The following RPH3AL variants were observed in gnomAD, a reference collection of about 807,000 sequenced individuals.
RPH3AL encodes the protein rab effector Noc2.
A neutral mutation model predicts 43.1 loss-of-function variants in RPH3AL; 38 were observed. That is an observed-to-expected ratio of 0.88 (90% CI 0.68 to 1.15). The LOEUF is 1.15. RPH3AL is among the 50% of genes most tolerant of loss of function. The probability of loss-of-function intolerance (pLI) is 0.00; values close to 1 mark genes in which losing one functional copy is unlikely to be tolerated. For missense variants in RPH3AL, 462 were observed against 423.2 expected, an observed-to-expected ratio of 1.09 and a Z score of -0.81; for synonymous variants, 189 against 176.3, an observed-to-expected ratio of 1.07 and a Z score of -0.57.
intron 1 of RPH3AL, among the ~76,000 whole-genome samples, chr17:352,159 G>C (rs931027579): frequency 1.3e-5 from 2 of 152,194 alleles, no homozygotes; most frequent in African/African-American, 4.8e-5. Context: ...CACCAAATGT[G>C]AGTATCCCAG....
chr17:307,234 CACG>C (rs2043516900), intron 5 of RPH3AL, among the ~76,000 whole-genome samples: 4 of 50,692 alleles, frequency 7.9e-5, no homozygotes, highest in Non-Finnish European at 1.7e-4. Context: ...AGGTCCATCC[CACG>C]GCAGGTCCTC....
intron 3 of RPH3AL, 187 bp from the exon 4 acceptor site, chr17:321,602 ACGGCCC>A (rs2044478360): frequency 2.0e-6 from 1 of 495,764 alleles, no homozygotes; most frequent in Non-Finnish European, 3.3e-6. Flanking sequence ...GGCAACAGAG[ACGGCCC>A]AGGTGGCAAC....
At chr17:319,374 G>A (rs756139812) in intron 5 of RPH3AL, 46 bp downstream of exon 5, 19 of 1,598,960 alleles carry the variant, frequency 1.2e-5, no homozygotes, top group Non-Finnish European at 1.3e-5. Context: ...AGCGGGGCTG[G>A]TCCAGGCTGG....
At chr17:241,938 G>A (rs150276301) in intron 7 of RPH3AL, among the ~76,000 whole-genome samples, 1,653 of 152,070 alleles carry the variant, frequency 0.011, 31 homozygotes, top group African/African-American at 0.038. Context: ...CCAATATGGC[G>A]AAACCCCGTC....
At chr17:242,249 T>C (rs1447541537) in intron 7 of RPH3AL, among the ~76,000 whole-genome samples, 1 of 139,292 alleles carries the variant, frequency 7.2e-6, no homozygotes, top group African/African-American at 2.7e-5. Flanking sequence ...CTATTCATGA[T>C]TACCTTCCTC....
intron 7 of RPH3AL, among the ~76,000 whole-genome samples, chr17:232,848 GTGTGTGTGTGTGTGTGTGT>G (rs1242730243): frequency 1.5e-4 from 6 of 41,276 alleles, no homozygotes; most frequent in Non-Finnish European, 3.4e-4. Context: ...GTGTGTGTGT[GTGTGTGTGTGTGTGTGTGT>G]GTGTGTGTGT....
chr17:294,624 A>G (rs1452370480), intron 5 of RPH3AL, among the ~76,000 whole-genome samples: 2,039 of 65,608 alleles, frequency 0.031, 50 homozygotes, highest in East Asian at 0.039. Flanking sequence ...AGGGACACAG[A>G]TGCTGCAGAA....
In RPH3AL at chr17:247,302, A is replaced by T. The variant is rs1449075900; in HGVS notation, c.439-17T>A. 6.4e-7 allele frequency: 1 copy of T among 1,552,338 alleles called. No homozygotes were observed. The highest frequency in any genetic ancestry group is 8.7e-7 in the Non-Finnish European group (1 of 1,148,500). ...CTTCCAGACCTGAGTGGGGGAAGAG[A>T]GCTGCTTGGGGCACAGGACGCAGAG... On this transcript the variant is annotated splice_polypyrimidine_tract_variant and intron_variant, in intron 6 of 9. Coordinates refer to ENST00000331302, the MANE Select transcript of RPH3AL (RefSeq NM_006987.4).
Position 314,688 on chromosome 17 carries a change from C to A in RPH3AL, c.351+4732G>T, listed in dbSNP as rs1364906172. 3.5e-3 allele frequency among the ~76,000 whole-genome samples: 217 copies of A among 62,416 alleles called. 7 individuals carry two copies. The highest frequency in any genetic ancestry group is 8.8e-3 in the African/African-American group (209 of 23,852). The allele number at this position is 62,416 out of a possible 152,430, so 40.9% of individuals were successfully genotyped here. A position where few individuals can be genotyped will look rare whatever the true frequency, so the allele number is the denominator to read the frequency against. ...TGACCTGTAGTCTCTGTGACTCCAC[C>A]TCCATTGACCTGTAGTCTCTGTGCT... On this transcript the variant is annotated intron_variant, in intron 5 of 9. Transcript: ENST00000331302.
intron 6 of RPH3AL, among the ~76,000 whole-genome samples, chr17:276,313 T>G (rs1038856949): frequency 6.6e-5 from 10 of 152,240 alleles, no homozygotes; most frequent in African/African-American, 2.4e-4. Flanking sequence ...TTTCCAAATT[T>G]GCTTGTACTT....
In RPH3AL at chr17:258,757, G is replaced by GTTTTTTTTT. The variant is rs372761475; in HGVS notation, c.439-11481_439-11473dup. On this transcript the variant is annotated intron_variant, in intron 6 of 9. Coordinates refer to ENST00000331302, the MANE Select transcript of RPH3AL (RefSeq NM_006987.4). ...TCAGCCATTTTGGGATAGTCAACCCGTTTTTTTTTTTTTTTTTTTTTGAGA... is the reference window on the plus strand; with the variant it reads ...TCAGCCATTTTGGGATAGTCAACCCGTTTTTTTTTTTTTTTTTTTTTTTTTTTTTTGAGA... Among the ~76,000 whole-genome samples the GTTTTTTTTT allele has an allele frequency of 4.0e-5, 4 of 98,770 alleles. 2 individuals are homozygous for GTTTTTTTTT. 64.8% of individuals were successfully genotyped at this position (98,770 alleles called of 152,430 possible).
chr17:275,689 G>A (rs1176191447), intron 6 of RPH3AL, among the ~76,000 whole-genome samples: 1 of 152,158 alleles, frequency 6.6e-6, no homozygotes, highest in African/African-American at 2.4e-5. Flanking sequence ...TGAGGCTACA[G>A]GCGTGTGCCA....
intron 5 of RPH3AL, among the ~76,000 whole-genome samples, chr17:304,894 G>A (rs113264302): frequency 6.4e-5 from 9 of 141,644 alleles, no homozygotes; most frequent in Admixed American, 1.4e-4. Flanking sequence ...CCAGCGCCAC[G>A]AGCTCCTAGG....
In RPH3AL at chr17:279,195, G is replaced by A. The variant is rs76973893; in HGVS notation, c.438+2573C>T. 2.0e-5 allele frequency among the ~76,000 whole-genome samples: 3 copies of A among 152,192 alleles called. No homozygotes were observed. In the East Asian group the frequency reaches 5.8e-4, roughly 29 times the overall value. ...TTAGACATTTTTCTAAGAAGAAAGG[G>A]CATTAGGAAACCAATTACGCCAGCC... On this transcript the variant is annotated intron_variant, in intron 6 of 9. Transcript: ENST00000331302.
intron 3 of RPH3AL, among the ~76,000 whole-genome samples, chr17:324,094 G>A (rs780716556): frequency 9.9e-5 from 15 of 152,146 alleles, no homozygotes; most frequent in African/African-American, 3.1e-4. Flanking sequence ...GAGGCACCCC[G>A]CCCCATTTCT....
rs182225553 is a variant in RPH3AL at position 285,898 on chromosome 17, G to A, written c.352-4044C>T. On this transcript the variant is annotated intron_variant, in intron 5 of 9. Coordinates refer to ENST00000331302, the MANE Select transcript of RPH3AL (RefSeq NM_006987.4). ...CCCGTCTAGCGCTCACCTCCCCTGCGATTCACTAATCCACGTTACCATCAC... is the reference window on the plus strand; with the variant it reads ...CCCGTCTAGCGCTCACCTCCCCTGCAATTCACTAATCCACGTTACCATCAC... Among the ~76,000 whole-genome samples the A allele has an allele frequency of 2.4e-4, 36 of 152,220 alleles. No homozygotes were observed. The East Asian group carries it at 4.9e-3, about 21-fold the overall frequency.
intron 5 of RPH3AL, among the ~76,000 whole-genome samples, chr17:315,470 G>GCCCCCAC (rs2043973330): frequency 6.7e-6 from 1 of 148,172 alleles, no homozygotes; most frequent in African/African-American, 2.5e-5. Context: ...TAGTCCCTGT[G>GCCCCCAC]CTCCCACCTC....
At position 290,795 on chromosome 17, in the gene RPH3AL, C is replaced by T. The variant is rs72806036; in HGVS notation, c.352-8941G>A. ...GGAAGGAAACTGCTCTGAAAGCAGA[C>T]GCCGCCATCTCACAGCACCCGCGGT... On this transcript the variant is annotated intron_variant, in intron 5 of 9. Transcript: ENST00000331302. This position sits in a 1 kb window ranked among gnomAD's most constrained non-coding sequence, Gnocchi z 4.2. Among the ~76,000 whole-genome samples the T allele has an allele frequency of 0.072, 11,021 of 152,262 alleles. 428 individuals carry two copies. Among genetic ancestry groups the T allele is most frequent in the Non-Finnish European group, 0.081 (5,483 of 68,006 alleles).
Position 225,295 on chromosome 17 carries a change from G to T in RPH3AL, c.614-5559C>A, listed in dbSNP as rs2041083729. On this transcript the variant is annotated intron_variant, in intron 7 of 9. Coordinates refer to ENST00000331302, the MANE Select transcript of RPH3AL (RefSeq NM_006987.4). This position sits in a 1 kb window ranked among gnomAD's most constrained non-coding sequence, Gnocchi z 4.4. The stretch of plus-strand genomic sequence containing the variant: ...GATGGGGCATGGCTGTGGTCCGTGT[G>T]CCCTCTTCGTAGTACTTGAGAAATG... Among the ~76,000 whole-genome samples the T allele has an allele frequency of 6.6e-6, 1 of 152,060 alleles. No homozygotes were observed. The highest frequency in any genetic ancestry group is 2.1e-4 in the South Asian group (1 of 4,822).
Sources: gnomAD v4.1 joint callset for allele counts (sites outside exome capture counted in the v4.1 genomes callset) on GRCh38, gnomAD v4.1.1 for gene constraint, Gnocchi (gnomAD v3.1) non-coding constraint, MANE v1.5 for transcripts, NCBI Gene and HGNC (gene_info 2026-07-23, HGNC 2026-07-21) for gene names.